Variants in ANXA4 observed in about 807,000 individuals in gnomAD.
ANXA4 encodes annexin A4.
Under a neutral mutation model 49.8 loss-of-function variants are expected in ANXA4, and 39 were observed. The observed-to-expected ratio is 0.78, with a 90% CI of 0.61 to 1.02. ANXA4 has a LOEUF of 1.02. Among genes scored for constraint, ANXA4 ranks in the 50% least tolerant of loss-of-function variants. The pLI, the probability that ANXA4 is intolerant of heterozygous loss-of-function variation, is 0.00. For synonymous variants in ANXA4, 134 were observed against 152.5 expected (o/e 0.88, Z 0.89); for missense variants, 360 against 410.1 (o/e 0.88, Z 1.05).
At chr2:69,817,423 C>T (rs939152117) in intron 9 of ANXA4, 2 of 152,216 alleles carry the variant, frequency 1.3e-5, no homozygotes, top group Admixed American at 6.5e-5. Flanking sequence ...TCTTGCAACA[C>T]TCAATGGAGC....
chr2:69,771,389 A>C (rs1671710927), intron 1 of ANXA4, among the ~76,000 whole-genome samples: 2 of 152,196 alleles, frequency 1.3e-5, no homozygotes, highest in South Asian at 4.1e-4. Context: ...GCTGATGGAC[A>C]CAAGTTTTCC....
chr2:69,702,447 G>C (rs1678360835), intron 2 of ANXA4, among the ~76,000 whole-genome samples: 1 of 152,088 alleles, frequency 6.6e-6, no homozygotes, highest in Non-Finnish European at 1.5e-5. Context: ...TGAGAGCCAG[G>C]CATGGTGGCT....
intron 3 of ANXA4, among the ~76,000 whole-genome samples, chr2:69,793,121 G>A (rs950295266): frequency 7.2e-5 from 11 of 151,960 alleles, no homozygotes; most frequent in East Asian, 1.9e-4. Flanking sequence ...ATGTGGTGGC[G>A]CGTGCCTGTA....
rs562413540 is a variant in ANXA4, at chr2:69,664,078, A to G, written n.766+10796A>G. Among the ~76,000 whole-genome samples, 142 of 152,370 alleles carry G rather than the reference A, an allele frequency of 9.3e-4. 1 individual carries two copies. Among genetic ancestry groups the G allele is most frequent in the African/African-American group, 3.3e-3 (137 of 41,590 alleles). ...AAATGAAGTTTCACTTAAAGAATCCAGAATGAGAATGGCATCTGATTTCTC... is the reference window on the plus strand; with the variant it reads ...AAATGAAGTTTCACTTAAAGAATCCGGAATGAGAATGGCATCTGATTTCTC... On this transcript the variant is annotated intron_variant and non_coding_transcript_variant, in intron 2 of 3. Transcript: ENST00000418066.
intron 2 of ANXA4, among the ~76,000 whole-genome samples, chr2:69,672,865 TA>T (rs772706176): frequency 6.6e-6 from 1 of 152,030 alleles, no homozygotes; most frequent in Admixed American, 6.6e-5. Flanking sequence ...GGAAAGTCAA[TA>T]TTTTTTTTCT....
chr2:69,734,348 T>C (rs1670186752), intron 3 of ANXA4, among the ~76,000 whole-genome samples: 1 of 152,222 alleles, frequency 6.6e-6, no homozygotes, highest in Admixed American at 6.5e-5. Flanking sequence ...CCTTCGTGCA[T>C]TCCTGCATGT....
chr2:69,707,900 G>A lies in ANXA4; in HGVS notation n.767-12874G>A, dbSNP rs565839460. Among the ~76,000 whole-genome samples the A allele has an allele frequency of 1.1e-4, 17 of 152,214 alleles. 1 individual carries two copies. The highest frequency in any genetic ancestry group is 2.6e-4 in the Admixed American group (4 of 15,292). ...CCTCCACTACCCTTCCCAGCCTCTG[G>A]TAACCATCCTCCTACTCTCTATCAC... On this transcript the variant is annotated intron_variant and non_coding_transcript_variant, in intron 2 of 3. Coordinates refer to the ANXA4 transcript ENST00000418066.
At chr2:69,791,049 G>A (rs537469475) in intron 3 of ANXA4, among the ~76,000 whole-genome samples, 1 of 152,238 alleles carries the variant, frequency 6.6e-6, no homozygotes, top group South Asian at 2.1e-4. Context: ...TGGCTTTGAT[G>A]GAACCTTGTT....
At chr2:69,678,537 G>A (rs1559071871) in intron 2 of ANXA4, among the ~76,000 whole-genome samples, 1 of 151,160 alleles carries the variant, frequency 6.6e-6, no homozygotes. Flanking sequence ...GGAACCACAG[G>A]TACACAGCAC....
intron 5 of ANXA4, 76 bp from the exon 6 acceptor site, chr2:69,807,829 AG>A: frequency 8.4e-7 from 1 of 1,194,046 alleles, no homozygotes. Context: ...GATTCATGAC[AG>A]ATGTATTCCT....
At chr2:69,751,507 C>CAAAAAAAAAAAAAAAAAAAAAAAAAAAAA in intron 1 of ANXA4, among the ~76,000 whole-genome samples, 1 of 96,878 alleles carries the variant, frequency 1.0e-5, no homozygotes, top group Non-Finnish European at 2.1e-5. Context: ...GACCCTGTCT[C>CAAAAAAAAAAAAAAAAAAAAAAAAAAAAA]AAAAAAAAAA....
At chr2:69,762,896 C>T (rs186310388) in intron 1 of ANXA4, among the ~76,000 whole-genome samples, 21 of 152,260 alleles carry the variant, frequency 1.4e-4, no homozygotes, top group Admixed American at 6.5e-5. Context: ...CTCACTCACA[C>T]TCACATACTC....
At chr2:69,742,106 A>G (rs1281465871), upstream of ANXA4, 1 of 152,246 alleles carries the variant, frequency 6.6e-6, no homozygotes, top group African/African-American at 2.4e-5. Flanking sequence ...GTCCCGGATA[A>G]GACCCGCTGT....
chr2:69,732,816 G>T lies in ANXA4; in HGVS notation n.864+11945G>T, dbSNP rs72903014. ...CAAAAGCGGACCTTAGTCAAGAAGC[G>T]GTGCTGATCGAAGTCATGTTGCTTA... On this transcript the variant is annotated intron_variant and non_coding_transcript_variant, in intron 3 of 3. Transcript: ENST00000418066. Among the ~76,000 whole-genome samples the T allele has an allele frequency of 6.8e-3, 1,031 of 152,190 alleles. 13 individuals carry two copies. The highest frequency in any genetic ancestry group is 0.023 in the African/African-American group (960 of 41,540).
At chr2:69,741,354 A>G (rs979937978), upstream of ANXA4, among the ~76,000 whole-genome samples, 4 of 152,228 alleles carry the variant, frequency 2.6e-5, no homozygotes, top group Non-Finnish European at 5.9e-5. Flanking sequence ...TGCGTCCAGC[A>G]GGGGAAGCAG....
At chr2:69,667,947 T>G (rs1677001743) in intron 2 of ANXA4, among the ~76,000 whole-genome samples, 1 of 152,218 alleles carries the variant, frequency 6.6e-6, no homozygotes, top group Non-Finnish European at 1.5e-5. Flanking sequence ...CAAGCCGTCA[T>G]GCTGAGGCAG....
At chr2:69,661,219 G>T (rs1473123720) in intron 2 of ANXA4, among the ~76,000 whole-genome samples, 2 of 79,738 alleles carry the variant, frequency 2.5e-5, no homozygotes, top group African/African-American at 5.3e-5. Flanking sequence ...GGAAGCTTCA[G>T]ACAAAAAAAA....
intron 3 of ANXA4, among the ~76,000 whole-genome samples, chr2:69,726,605 C>G (rs1461563093): frequency 6.6e-6 from 1 of 152,188 alleles, no homozygotes; most frequent in Non-Finnish European, 1.5e-5. Flanking sequence ...ACCATGTAAT[C>G]AGTGCTTAGA....
At chr2:69,657,473 A>G (rs1223895806) in intron 2 of ANXA4, among the ~76,000 whole-genome samples, 1 of 150,900 alleles carries the variant, frequency 6.6e-6, no homozygotes, top group African/African-American at 2.5e-5. Context: ...TAAATACCAC[A>G]TATTCGATGG....
Sources: gnomAD v4.1 joint callset for allele counts (sites outside exome capture counted in the v4.1 genomes callset) on GRCh38, gnomAD v4.1.1 for gene constraint, MANE v1.5 for transcripts, NCBI Gene and HGNC (gene_info 2026-07-23, HGNC 2026-07-21) for gene names.